The following ANKFN1 variants were observed in gnomAD, a reference collection of about 807,000 sequenced individuals.
ANKFN1 encodes ankyrin repeat and fibronectin type-III domain-containing protein 1.
Under a neutral mutation model 108.7 loss-of-function variants are expected in ANKFN1, and 74 were observed. The ratio of observed to expected loss-of-function variants is 0.68; its 90% CI spans 0.56 to 0.83. The LOEUF (loss-of-function observed/expected upper bound fraction) is 0.83. Ranked by LOEUF, ANKFN1 falls within the 40% of genes least tolerant of loss-of-function variation. The probability of loss-of-function intolerance (pLI) is 0.00; values close to 1 mark genes in which losing one functional copy is unlikely to be tolerated. For synonymous variants in ANKFN1, 547 were observed against 516.2 expected (o/e 1.06, Z -0.81); for missense variants, 1,505 against 1,382.3 (o/e 1.09, Z -1.41).
intron 3 of ANKFN1, among the ~76,000 whole-genome samples, chr17:56,257,539 C>T (rs1301075619): frequency 1.3e-5 from 2 of 152,292 alleles, no homozygotes; most frequent in South Asian, 2.1e-4. Context: ...ATTCTCCACA[C>T]CAAACTTAGC....
chr17:56,218,540 G>A (rs958513882), intron 2 of ANKFN1, among the ~76,000 whole-genome samples: 2 of 152,054 alleles, frequency 1.3e-5, no homozygotes, highest in Non-Finnish European at 2.9e-5. Flanking sequence ...CACATGCCCT[G>A]TCTCGGGGAC....
At chr17:56,354,761 TGTAA>T (rs1375700382) in intron 6 of ANKFN1, among the ~76,000 whole-genome samples, 1 of 152,170 alleles carries the variant, frequency 6.6e-6, no homozygotes, top group African/African-American at 2.4e-5. Context: ...AAATTCCACA[TGTAA>T]GTGAGATCAC....
intron 8 of ANKFN1, among the ~76,000 whole-genome samples, chr17:56,396,541 G>GT (rs952173128): frequency 1.7e-3 from 250 of 150,774 alleles, no homozygotes; most frequent in African/African-American, 4.9e-3. Flanking sequence ...GAAACTTCTG[G>GT]TTTTTTTTTG....
rs1435558976 is a variant in ANKFN1 at position 56,510,740 on chromosome 17, A to G, written c.2912A>G (p.His971Arg). The G allele has an allele frequency of 6.5e-7, 1 of 1,536,132 alleles. No homozygotes were observed. Among genetic ancestry groups the G allele is most frequent in the Non-Finnish European group, 8.7e-7 (1 of 1,146,900 alleles). ...NPDHSCAEFL[H>R]SLTLTGFTPK... is the part of the protein sequence containing the mutation. ...GATCACTCATGTGCCGAGTTTCTCC[A>G]TAGCCTGACCCTCACGGGGTTCACA... The change falls in exon 21 of 21, where the codon CAT (histidine) becomes CGT (arginine). Residue 971 changes from histidine (H) to arginine (R), a missense_variant. Coordinates refer to ENST00000682825, the MANE Select transcript of ANKFN1 (RefSeq NM_001370326.1).
chr17:56,309,143 C>A (rs983306838), intron 3 of ANKFN1, among the ~76,000 whole-genome samples: 2 of 152,070 alleles, frequency 1.3e-5, no homozygotes, highest in Admixed American at 6.5e-5. Context: ...CTTTTTGGAA[C>A]GTTTGGTAGA....
chr17:56,140,017 A>C lies in ANKFN1; in HGVS notation c.289-87900A>C, dbSNP rs139995334. Among the ~76,000 whole-genome samples the C allele has an allele frequency of 4.0e-4, 61 of 152,328 alleles. 1 individual carries two copies. The East Asian group carries it at 0.011, about 26-fold the overall frequency. On this transcript the variant is annotated intron_variant, in intron 4 of 12. Coordinates refer to the ANKFN1 transcript ENST00000635860. ...ATTGTTCCTAAATCTATAAACTCAA[A>C]TTTGACCACTTTCCTAAGTTCAAGT...
intron 1 of ANKFN1, among the ~76,000 whole-genome samples, chr17:56,158,540 A>T (rs192856224): frequency 1.6e-4 from 25 of 152,330 alleles, no homozygotes; most frequent in South Asian, 4.1e-4. Flanking sequence ...GGGCTTGGAC[A>T]AAGCAAGTGG....
intron 8 of ANKFN1, among the ~76,000 whole-genome samples, chr17:56,440,076 T>C (rs2049049757): frequency 2.1e-5 from 2 of 96,688 alleles, no homozygotes; most frequent in African/African-American, 6.5e-5. Flanking sequence ...ATACATTATA[T>C]TTATCAAGGC....
intron 8 of ANKFN1, among the ~76,000 whole-genome samples, chr17:56,411,666 A>C (rs994192947): frequency 6.6e-6 from 1 of 152,156 alleles, no homozygotes; most frequent in Non-Finnish European, 1.5e-5. Context: ...GCTTTCTTCT[A>C]TACTGATTTT....
At chr17:56,319,439 C>T (rs566414449) in intron 3 of ANKFN1, among the ~76,000 whole-genome samples, 1 of 152,294 alleles carries the variant, frequency 6.6e-6, no homozygotes, top group Admixed American at 6.5e-5. Flanking sequence ...TCATCTTTGG[C>T]TTTGAATCAC....
At chr17:56,493,111 G>A (rs868113854) in intron 19 of ANKFN1, among the ~76,000 whole-genome samples, 4 of 152,070 alleles carry the variant, frequency 2.6e-5, no homozygotes, top group Non-Finnish European at 5.9e-5. Context: ...AAACAACCAG[G>A]TGTCAGACAC....
chr17:56,195,885 T>C (rs1379602610), intron 1 of ANKFN1, among the ~76,000 whole-genome samples: 1 of 152,192 alleles, frequency 6.6e-6, no homozygotes, highest in African/African-American at 2.4e-5. Context: ...GCATAGTATA[T>C]ATATATGCCA....
At chr17:56,189,320 G>A (rs1464304780) in intron 1 of ANKFN1, among the ~76,000 whole-genome samples, 3 of 148,378 alleles carry the variant, frequency 2.0e-5, no homozygotes, top group Admixed American at 6.8e-5. Flanking sequence ...ACAGGCGCCC[G>A]CCACTACGCC....
chr17:56,179,146 T>C (rs1017834718), intron 1 of ANKFN1, among the ~76,000 whole-genome samples: 1 of 152,214 alleles, frequency 6.6e-6, no homozygotes. Context: ...CCATACCAAC[T>C]TTATTTTAAC....
intron 20 of ANKFN1, among the ~76,000 whole-genome samples, chr17:56,504,656 C>CT (rs901376992): frequency 6.6e-6 from 1 of 151,394 alleles, no homozygotes; most frequent in Non-Finnish European, 1.5e-5. Flanking sequence ...CTTAAAGCAT[C>CT]TTTTTTTTCT....
At chr17:56,180,070 T>C (rs1428570153) in intron 1 of ANKFN1, among the ~76,000 whole-genome samples, 3 of 152,188 alleles carry the variant, frequency 2.0e-5, no homozygotes, top group African/African-American at 7.2e-5. Flanking sequence ...AAGTGATTTC[T>C]GGGGGATGCA....
At chr17:56,326,427 G>A (rs773379091) in intron 4 of ANKFN1, 72 bp downstream of exon 4, 5 of 1,531,650 alleles carry the variant, frequency 3.3e-6, no homozygotes, top group Middle Eastern at 1.9e-4. Flanking sequence ...ATTTTTAAAT[G>A]TGTATATGTT....
intron 14 of ANKFN1, among the ~76,000 whole-genome samples, chr17:56,462,599 A>T (rs1207651462): frequency 6.6e-6 from 1 of 152,228 alleles, no homozygotes; most frequent in Non-Finnish European, 1.5e-5. Flanking sequence ...TGTCTCACAA[A>T]AAAATAAAAT....
chr17:56,349,570 A>G (rs1376039995), intron 4 of ANKFN1, among the ~76,000 whole-genome samples: 1 of 152,128 alleles, frequency 6.6e-6, no homozygotes, highest in African/African-American at 2.4e-5. Context: ...AGACTCTCAT[A>G]TGTGCACTCA....
Sources: gnomAD v4.1 joint callset for allele counts (sites outside exome capture counted in the v4.1 genomes callset) on GRCh38, gnomAD v4.1.1 for gene constraint, MANE v1.5 for transcripts, NCBI Gene and HGNC (gene_info 2026-07-23, HGNC 2026-07-21) for gene names.